Variants in SDCCAG8 observed in about 807,000 individuals in gnomAD.
The protein encoded by SDCCAG8 is SHH signaling and ciliogenesis regulator SDCCAG8, also known as serologically defined colon cancer antigen 8.
A neutral mutation model predicts 101.8 loss-of-function variants in SDCCAG8; 74 were observed. The observed-to-expected ratio is 0.73, with a 90% confidence interval of 0.60 to 0.88. SDCCAG8 has a LOEUF of 0.88. SDCCAG8 is among the 40% of genes least tolerant of loss of function. SDCCAG8 has a pLI of 0.00. For missense variants in SDCCAG8, 787 were observed against 822.6 expected (o/e 0.96, Z 0.53); for synonymous variants, 281 against 292.9 (o/e 0.96, Z 0.41).
chr1:243,317,508 A>G (rs999304412), intron 9 of SDCCAG8, among the ~76,000 whole-genome samples: 1 of 152,064 alleles, frequency 6.6e-6, no homozygotes, highest in Non-Finnish European at 1.5e-5. Context: ...TTTAGCAGAG[A>G]TGGTGTTTCA....
intron 15 of SDCCAG8, among the ~76,000 whole-genome samples, chr1:243,423,275 A>G (rs1231801496): frequency 6.6e-6 from 1 of 152,258 alleles, no homozygotes; most frequent in Non-Finnish European, 1.5e-5. Context: ...GGAAAATACA[A>G]AGAAGAATTA....
chr1:243,258,675 G>A (rs2066953356), intron 1 of SDCCAG8, among the ~76,000 whole-genome samples: 1 of 152,156 alleles, frequency 6.6e-6, no homozygotes, highest in Admixed American at 6.5e-5. Flanking sequence ...AAAGTCTGGG[G>A]TTATAGGCGT....
At chr1:243,293,301 A>T in intron 6 of SDCCAG8, 82 bp downstream of exon 6, 1 of 1,391,646 alleles carries the variant, frequency 7.2e-7, no homozygotes, top group Non-Finnish European at 9.9e-7. Flanking sequence ...GGTAAAATAT[A>T]TATAACAAAA....
intron 5 of SDCCAG8, 116 bp from the exon 6 acceptor site, chr1:243,292,975 G>A (rs969329103): frequency 8.3e-7 from 1 of 1,206,778 alleles, no homozygotes; most frequent in African/African-American, 1.5e-5. Flanking sequence ...GACCTGTAGT[G>A]TAGAAGCATA....
intron 13 of SDCCAG8, among the ~76,000 whole-genome samples, chr1:243,386,830 A>G (rs1168299720): frequency 6.6e-6 from 1 of 152,326 alleles, no homozygotes; most frequent in East Asian, 1.9e-4. Context: ...TCCCTTATGC[A>G]TGACACGTGA....
intron 6 of SDCCAG8, among the ~76,000 whole-genome samples, chr1:243,294,701 C>CG (rs1168570523): frequency 2.3e-5 from 2 of 85,112 alleles, no homozygotes; most frequent in Non-Finnish European, 5.0e-5. Flanking sequence ...TAAATTCCCC[C>CG]CCCCCCCCAC....
At chr1:243,372,563 T>G (rs1429193505) in intron 12 of SDCCAG8, among the ~76,000 whole-genome samples, 1 of 152,130 alleles carries the variant, frequency 6.6e-6, no homozygotes, top group Non-Finnish European at 1.5e-5. Context: ...GTAGAGTTTC[T>G]TTTAATGAAA....
intron 16 of SDCCAG8, among the ~76,000 whole-genome samples, chr1:243,427,035 T>C (rs1359684932): frequency 6.6e-6 from 1 of 152,208 alleles, no homozygotes; most frequent in Non-Finnish European, 1.5e-5. Flanking sequence ...GGTGTTACTT[T>C]GAGCAAGTCA....
intron 8 of SDCCAG8, among the ~76,000 whole-genome samples, chr1:243,314,539 T>A (rs2073064431): frequency 6.6e-6 from 1 of 152,196 alleles, no homozygotes; most frequent in Non-Finnish European, 1.5e-5. Context: ...TTTGTTTTCT[T>A]GTTGTTTATT....
chr1:243,318,033 G>A (rs1476518019), intron 9 of SDCCAG8: 5 of 456,660 alleles, frequency 1.1e-5, no homozygotes, highest in Admixed American at 7.0e-5. Flanking sequence ...AATTGTCATT[G>A]CAGCACCCTT....
rs548168520 is a variant in SDCCAG8 at position 243,323,635 on chromosome 1, A to G, written c.1068+6742A>G. Among the ~76,000 whole-genome samples the G allele has an allele frequency of 1.3e-4, 20 of 152,282 alleles. No individual in the cohort carries two copies. The South Asian group carries it at 3.9e-3, about 30-fold the overall frequency. ...TCCATTCCTCATTTCACTGGCAGAC[A>G]TCTCACAACAGTTGTCCACCCTGGT... On this transcript the variant is annotated intron_variant, in intron 9 of 17. Coordinates refer to ENST00000366541, the MANE Select transcript of SDCCAG8 (RefSeq NM_006642.5).
intron 16 of SDCCAG8, among the ~76,000 whole-genome samples, chr1:243,447,310 A>G (rs1002995982): frequency 6.8e-6 from 1 of 147,454 alleles, no homozygotes; most frequent in Non-Finnish European, 1.5e-5. Flanking sequence ...TTATGAATGT[A>G]TTAAGTCTCA....
At chr1:243,294,706 C>G (rs1013011922) in intron 6 of SDCCAG8, among the ~76,000 whole-genome samples, 16 of 127,258 alleles carry the variant, frequency 1.3e-4, no homozygotes, top group African/African-American at 6.4e-4. Flanking sequence ...TCCCCCCCCC[C>G]CCCACAGCTG....
chr1:243,307,524 A>G (rs2072272450), intron 7 of SDCCAG8: 1 of 984,154 alleles, frequency 1.0e-6, no homozygotes, highest in East Asian at 1.1e-4. Flanking sequence ...TTTTATGTGA[A>G]CTTTTAAGAC....
chr1:243,318,589 G>A (rs747659609), intron 9 of SDCCAG8: 178 of 984,874 alleles, frequency 1.8e-4, no homozygotes, highest in Non-Finnish European at 2.1e-4. Flanking sequence ...TCTTTATCCA[G>A]TTCATCCATA....
At chr1:243,284,743 G>A (rs2149283157) in intron 4 of SDCCAG8, among the ~76,000 whole-genome samples, 1 of 152,274 alleles carries the variant, frequency 6.6e-6, no homozygotes, top group East Asian at 1.9e-4. Flanking sequence ...AACATGCCAA[G>A]CATATTTCAA....
At chr1:243,444,200 GC>G (rs1404108668) in intron 16 of SDCCAG8, among the ~76,000 whole-genome samples, 1 of 152,088 alleles carries the variant, frequency 6.6e-6, no homozygotes, top group Non-Finnish European at 1.5e-5. Flanking sequence ...GAAAGAAGCA[GC>G]AAAACAATAT....
chr1:243,271,287 A>C (rs1412605562), intron 3 of SDCCAG8, among the ~76,000 whole-genome samples: 1 of 150,874 alleles, frequency 6.6e-6, no homozygotes, highest in East Asian at 1.9e-4. Context: ...AATGGGAGCA[A>C]GGGAATAGTT....
intron 16 of SDCCAG8, among the ~76,000 whole-genome samples, chr1:243,456,150 T>C (rs986452997): frequency 1.3e-5 from 2 of 152,150 alleles, no homozygotes; most frequent in African/African-American, 4.8e-5. Context: ...ATGCAGAATT[T>C]ATCTTGGTGG....
Sources: allele counts gnomAD v4.1 joint callset (sites outside exome capture counted in the v4.1 genomes callset), GRCh38; gene constraint gnomAD v4.1.1; transcripts MANE v1.5; gene names NCBI Gene and HGNC (gene_info 2026-07-23, HGNC 2026-07-21).